Variants in CCDC181 observed in about 807,000 individuals in gnomAD.
CCDC181 encodes coiled-coil domain containing 181.
In CCDC181, 35 loss-of-function variants were observed where a neutral mutation model predicts 58.7. The ratio of observed to expected loss-of-function variants is 0.60; its 90% CI spans 0.46 to 0.79. The LOEUF is 0.79. CCDC181 is among the 30% of genes least tolerant of loss of function. CCDC181 has a pLI of 0.00. For missense variants in CCDC181, 517 were observed against 583.9 expected (o/e 0.89, Z 1.18); for synonymous variants, 183 against 197.5 (o/e 0.93, Z 0.62).
chr1:169,407,886 G>A (rs1186036732), intron 4 of CCDC181, among the ~76,000 whole-genome samples: 1 of 152,172 alleles, frequency 6.6e-6, no homozygotes, highest in Non-Finnish European at 1.5e-5. Flanking sequence ...ACGAGGAACT[G>A]TGCATTATTG....
At chr1:169,420,773 A>G (rs1448958290) in intron 3 of CCDC181, among the ~76,000 whole-genome samples, 1 of 152,176 alleles carries the variant, frequency 6.6e-6, no homozygotes, top group Non-Finnish European at 1.5e-5. Context: ...TTTCAATTAT[A>G]AGATACATAG....
intron 2 of CCDC181, among the ~76,000 whole-genome samples, chr1:169,448,480 C>A (rs1230222647): frequency 6.6e-6 from 1 of 150,940 alleles, no homozygotes; most frequent in African/African-American, 2.4e-5. Flanking sequence ...CTTTTTTTTT[C>A]TTTTACAATG....
At chr1:169,420,342 T>G (rs1267973719) in intron 3 of CCDC181, among the ~76,000 whole-genome samples, 1 of 152,096 alleles carries the variant, frequency 6.6e-6, no homozygotes, top group Non-Finnish European at 1.5e-5. Context: ...TGCACCCTTT[T>G]AGGTTCTTAT....
At chr1:169,411,672 A>T (rs1655969029) in intron 4 of CCDC181, among the ~76,000 whole-genome samples, 1 of 151,776 alleles carries the variant, frequency 6.6e-6, no homozygotes, top group African/African-American at 2.4e-5. Flanking sequence ...CAGCACATGA[A>T]AAAGTTCAAC....
At chr1:169,430,341 T>G (rs1247772564), upstream of CCDC181, among the ~76,000 whole-genome samples, 1 of 152,160 alleles carries the variant, frequency 6.6e-6, no homozygotes, top group African/African-American at 2.4e-5. Context: ...GATAATGGTA[T>G]TTTGATGGGA....
intron 4 of CCDC181, chr1:169,418,718 G>A (rs1656324443): frequency 2.6e-6 from 1 of 391,810 alleles, no homozygotes; most frequent in Non-Finnish European, 4.5e-6. Flanking sequence ...GTGGGGGGGT[G>A]TGTGTGTATC....
intron 4 of CCDC181, among the ~76,000 whole-genome samples, chr1:169,405,914 G>A (rs1345453747): frequency 6.6e-6 from 1 of 151,126 alleles, no homozygotes; most frequent in African/African-American, 2.4e-5. Flanking sequence ...ATCTGACAAA[G>A]GGCTAATATC....
intron 2 of CCDC181, among the ~76,000 whole-genome samples, chr1:169,436,004 A>G (rs1657046399): frequency 6.6e-6 from 1 of 152,192 alleles, no homozygotes; most frequent in African/African-American, 2.4e-5. Context: ...ACCAAGCTGT[A>G]AACAAAAACA....
At chr1:169,418,901 C>G in intron 4 of CCDC181, 112 bp downstream of exon 4, 2 of 813,850 alleles carry the variant, frequency 2.5e-6, no homozygotes, top group Non-Finnish European at 3.9e-6. Flanking sequence ...AGTTCTTGAA[C>G]AACTTTTCTA....
chr1:169,417,890 G>C (rs1656283561), intron 4 of CCDC181, among the ~76,000 whole-genome samples: 1 of 152,060 alleles, frequency 6.6e-6, no homozygotes. Context: ...CAAAAACTAG[G>C]GGTAGAGACC....
At chr1:169,431,533 A>C (rs561900251), upstream of CCDC181, among the ~76,000 whole-genome samples, 12 of 152,332 alleles carry the variant, frequency 7.9e-5, no homozygotes, top group African/African-American at 2.9e-4. Context: ...CTGGAAAAAC[A>C]ATTGCACTGT....
chr1:169,397,808 T>A (rs989526912), intron 4 of CCDC181, among the ~76,000 whole-genome samples: 2 of 152,088 alleles, frequency 1.3e-5, no homozygotes, highest in African/African-American at 4.8e-5. Flanking sequence ...TTTGGAGGAA[T>A]AAAGGAGAGA....
Position 169,397,185 on chromosome 1 carries a change from TAAA to T in CCDC181, c.1370+49_1370+51del, listed in dbSNP as rs1387530506. ...CAATCTTAATTGATGATATAACTTT[TAAA>T]ATGAACATGAGGAAGGAGGAGGGGG... On this transcript the variant is annotated intron_variant, in intron 5 of 5. Transcript: ENST00000367806. 2.7e-6 allele frequency: 4 copies of T among 1,459,932 alleles called. No homozygotes were observed. In the African/African-American group the frequency reaches 5.7e-5, roughly 21 times the overall value. 90.4% of individuals were successfully genotyped at this position (1,459,932 alleles called of 1,614,324 possible). A position where few individuals can be genotyped will look rare whatever the true frequency, so the allele number is the denominator to read the frequency against.
At chr1:169,416,453 T>C (rs1656219537) in intron 4 of CCDC181, among the ~76,000 whole-genome samples, 1 of 152,232 alleles carries the variant, frequency 6.6e-6, no homozygotes, top group African/African-American at 2.4e-5. Context: ...CTATTATTTT[T>C]ACCTCATTTC....
chr1:169,397,295 G>A lies in CCDC181; in HGVS notation c.1312C>T (p.Gln438Ter), dbSNP rs1252342338. The A allele has an allele frequency of 6.2e-7, 1 of 1,610,826 alleles. No individual in the cohort carries two copies. The highest frequency in any genetic ancestry group is 2.2e-5 in the East Asian group (1 of 44,614). ...KERQTEELRK[Q>*]EECLFFLKGT... ...TTAAGGAAGAATAAACATTCCTCTT[G>A]CTTTCTTAGTTCTTCTGTCTGTCTT... The change falls in exon 5 of 6, where the codon CAA becomes TAA. Residue 438 changes from glutamine to a stop codon, truncating the protein, a stop_gained. Coordinates refer to ENST00000367806, the MANE Select transcript of CCDC181 (RefSeq NM_001300969.2). LOFTEE classifies it high-confidence loss of function.
intron 2 of CCDC181, among the ~76,000 whole-genome samples, chr1:169,453,844 A>C (rs968291254): frequency 1.3e-5 from 2 of 151,862 alleles, no homozygotes; most frequent in Admixed American, 6.6e-5. Context: ...TTGCCACAAT[A>C]GTTTCAAGTC....
At position 169,422,302 on chromosome 1, in the gene CCDC181, C is replaced by T. The variant is rs1656516682; in HGVS notation, c.129G>A (p.Glu43=). The T allele has an allele frequency of 6.5e-7, 1 of 1,538,818 alleles. No individual in the cohort carries two copies. The highest frequency in any genetic ancestry group is 8.8e-7 in the Non-Finnish European group (1 of 1,135,050). Residue 43 remains glutamate (E), a synonymous_variant, in exon 3 of 6, where the codon GAG becomes GAA. Transcript: ENST00000367806. ...SDASIIEMAC[E]KEENINQDLK... is the part of the protein sequence containing the mutation. ...AGTCTTGGTTAATATTCTCTTCCTT[C>T]TCACAAGCCATCTAAAAACAAGATA... is the stretch of plus-strand genomic sequence containing the variant.
chr1:169,400,674 T>A (rs1329287295), intron 4 of CCDC181, among the ~76,000 whole-genome samples: 2 of 152,044 alleles, frequency 1.3e-5, no homozygotes, highest in African/African-American at 4.8e-5. Flanking sequence ...AATGGAAATT[T>A]AAAAAAATAA....
At chr1:169,445,033 C>G (rs990974828) in intron 2 of CCDC181, among the ~76,000 whole-genome samples, 1 of 152,148 alleles carries the variant, frequency 6.6e-6, no homozygotes, top group African/African-American at 2.4e-5. Context: ...GATCTCACCT[C>G]CTACCACTTT....
Sources: allele counts gnomAD v4.1 joint callset (sites outside exome capture counted in the v4.1 genomes callset), GRCh38; gene constraint gnomAD v4.1.1; transcripts MANE v1.5; gene names NCBI Gene and HGNC (gene_info 2026-07-23, HGNC 2026-07-21).